Variants in PCDHGA6 observed in about 807,000 individuals in gnomAD.
The protein encoded by PCDHGA6 is protocadherin gamma-A6.
PCDHGA6 carries 41 observed loss-of-function variants against 60.6 expected under a neutral mutation model. The observed-to-expected ratio is 0.68, with a 90% CI of 0.53 to 0.88. The LOEUF (loss-of-function observed/expected upper bound fraction) is 0.88. Ranked by LOEUF, PCDHGA6 falls within the 40% of genes least tolerant of loss-of-function variation. PCDHGA6 has a pLI of 0.00. For synonymous variants in PCDHGA6, 594 were observed against 524.4 expected, an observed-to-expected ratio of 1.13 and a Z score of -1.81; for missense variants, 1,312 against 1,203.0, an observed-to-expected ratio of 1.09 and a Z score of -1.34.
chr5:141,399,054 G>T (rs76381401), intron 1 of PCDHGA6: 1 of 1,613,694 alleles, frequency 6.2e-7, no homozygotes, highest in South Asian at 1.1e-5. Context: ...AAGAGACCAA[G>T]GAATATTCAA....
At chr5:141,409,389 C>T (rs1445649056) in intron 1 of PCDHGA6, 2 of 1,613,888 alleles carry the variant, frequency 1.2e-6, no homozygotes, top group Non-Finnish European at 1.7e-6. Flanking sequence ...AAGATTTATT[C>T]TTCTTCCAAT....
rs750214310 is a variant in PCDHGA6 at position 141,432,447 on chromosome 5, T to C, written c.2424+55940T>C. 1 of 1,614,202 alleles carries C rather than the reference T, an allele frequency of 6.2e-7. No homozygotes were observed. Among genetic ancestry groups the C allele is most frequent in the South Asian group, 1.1e-5 (1 of 91,072 alleles). ...CAGAACGACAATGCGCCCGAGATCCTGTACCCCGCCCTCCCCACGGACGGT... is the reference window on the plus strand; with the variant it reads ...CAGAACGACAATGCGCCCGAGATCCCGTACCCCGCCCTCCCCACGGACGGT... On this transcript the variant is annotated intron_variant, in intron 1 of 3. Coordinates refer to ENST00000517434, the MANE Select transcript of PCDHGA6 (RefSeq NM_018919.3). This position sits in a 1 kb window ranked among gnomAD's most constrained non-coding sequence, Gnocchi z 6.0.
chr5:141,389,429 G>A (rs201662463), intron 1 of PCDHGA6: 149 of 1,610,654 alleles, frequency 9.3e-5, no homozygotes, highest in Non-Finnish European at 8.6e-5. Context: ...TGTTCGCGCA[G>A]CGCGCCTTCG....
intron 1 of PCDHGA6, chr5:141,479,660 A>G (rs1206947602): frequency 6.6e-6 from 1 of 152,266 alleles, no homozygotes; most frequent in African/African-American, 2.4e-5. Flanking sequence ...ACAATCCCAG[A>G]AACTACAAAA....
chr5:141,503,598 CAAAA>C (rs765754054), intron 2 of PCDHGA6, among the ~76,000 whole-genome samples: 2 of 65,756 alleles, frequency 3.0e-5, no homozygotes. Flanking sequence ...GACTCCAGCT[CAAAA>C]AAAAAAAAAA....
chr5:141,505,345 G>A (rs776607130), intron 2 of PCDHGA6, 48 bp from the exon 3 acceptor site: 13 of 1,613,086 alleles, frequency 8.1e-6, no homozygotes, highest in Non-Finnish European at 1.1e-5. Flanking sequence ...AGGGGCATGA[G>A]CTGTGCCGGC....
Position 141,394,683 on chromosome 5 carries a change from G to A in PCDHGA6, c.2424+18176G>A, listed in dbSNP as rs1008097766. ...ACTCTTCTCGGTGGGTCTGCACACG[G>A]GCGAGGTGCGCACGGCGCGAGCCCT... On this transcript the variant is annotated intron_variant, in intron 1 of 3. Coordinates refer to ENST00000517434, the MANE Select transcript of PCDHGA6 (RefSeq NM_018919.3). 5 of 1,611,630 alleles carry A rather than the reference G, an allele frequency of 3.1e-6. No homozygotes were observed. In the African/African-American group the frequency reaches 5.4e-5, roughly 17 times the overall value.
chr5:141,394,837 T>G lies in PCDHGA6; in HGVS notation c.2424+18330T>G, dbSNP rs993988817. 198 of 1,613,706 alleles carry G rather than the reference T, an allele frequency of 1.2e-4. No homozygotes were observed. The highest frequency in any genetic ancestry group is 1.6e-4 in the Non-Finnish European group (187 of 1,179,960). ...AGCATCCCCGAAGTCCTGACCGAGT[T>G]GGGCAGTCTGAAGCCTTCGGTCGAC... is the stretch of plus-strand genomic sequence containing the variant. On this transcript the variant is annotated intron_variant, in intron 1 of 3. Coordinates refer to ENST00000517434, the MANE Select transcript of PCDHGA6 (RefSeq NM_018919.3).
intron 1 of PCDHGA6, among the ~76,000 whole-genome samples, chr5:141,451,875 T>C (rs747595781): frequency 5.9e-5 from 9 of 151,594 alleles, no homozygotes; most frequent in Non-Finnish European, 1.3e-4. Context: ...AATGAAACCC[T>C]GTCAAGAAAG....
intron 1 of PCDHGA6, among the ~76,000 whole-genome samples, chr5:141,438,771 C>T (rs1056879944): frequency 1.3e-5 from 2 of 149,126 alleles, no homozygotes; most frequent in Non-Finnish European, 3.0e-5. Flanking sequence ...AAGCGATTCT[C>T]CTGCCTCAGC....
At chr5:141,500,094 A>C (rs2099796337) in intron 2 of PCDHGA6, among the ~76,000 whole-genome samples, 1 of 151,860 alleles carries the variant, frequency 6.6e-6, no homozygotes, top group South Asian at 2.1e-4. Context: ...CCATTTTTGC[A>C]ATTTATTTGT....
intron 1 of PCDHGA6, among the ~76,000 whole-genome samples, chr5:141,435,715 A>G (rs528951395): frequency 6.6e-6 from 1 of 152,328 alleles, no homozygotes; most frequent in African/African-American, 2.4e-5. Context: ...ACAGACACTG[A>G]ATGCTAAAGT....
intron 1 of PCDHGA6, chr5:141,395,091 A>ACCG (rs771313907): frequency 6.2e-7 from 1 of 1,614,118 alleles, no homozygotes; most frequent in South Asian, 1.1e-5. Context: ...AGTCTCCCTC[A>ACCG]CCGCCGACTC....
chr5:141,394,760 T>C (rs374519404), intron 1 of PCDHGA6: 68 of 1,613,366 alleles, frequency 4.2e-5, no homozygotes, highest in Middle Eastern at 3.3e-4. Flanking sequence ...TCCAGGACCA[T>C]GGCCAGCCCC....
chr5:141,464,343 A>C (rs944042669), intron 1 of PCDHGA6, among the ~76,000 whole-genome samples: 7 of 151,212 alleles, frequency 4.6e-5, no homozygotes, highest in African/African-American at 1.5e-4. Context: ...ATGACTTGTC[A>C]TTTAGGTAGT....
At chr5:141,478,526 G>A (rs1402123535) in intron 1 of PCDHGA6, 1 of 1,609,906 alleles carries the variant, frequency 6.2e-7, no homozygotes, top group Admixed American at 1.7e-5. Context: ...GTTGGGTGCA[G>A]AGAGCGCCCC....
chr5:141,391,523 A>T (rs2092383458), intron 1 of PCDHGA6: 1 of 152,140 alleles, frequency 6.6e-6, no homozygotes, highest in Non-Finnish European at 1.5e-5. Context: ...CACTAATTTA[A>T]CTGGTATGGT....
Position 141,431,168 on chromosome 5 carries a change from G to A in PCDHGA6, c.2424+54661G>A, listed in dbSNP as rs779778442. On this transcript the variant is annotated intron_variant, in intron 1 of 3. Coordinates refer to ENST00000517434, the MANE Select transcript of PCDHGA6 (RefSeq NM_018919.3). This position sits in a 1 kb window ranked among gnomAD's most constrained non-coding sequence, Gnocchi z 4.8. Reference sequence around the variant, plus strand: ...CAATGCGCCTTACTTTCGTGAAAGTGAATTAGAAATAAAAATTAGTGAAAA... The same window carrying A: ...CAATGCGCCTTACTTTCGTGAAAGTAAATTAGAAATAAAAATTAGTGAAAA... The A allele has an allele frequency of 9.9e-6, 16 of 1,614,206 alleles. No individual in the cohort carries two copies. The Admixed American group carries it at 1.2e-4, about 12-fold the overall frequency.
At chr5:141,478,570 G>T (rs1255499966) in intron 1 of PCDHGA6, 1 of 1,590,156 alleles carries the variant, frequency 6.3e-7, no homozygotes, top group Admixed American at 1.8e-5. Context: ...AGTCATGCTT[G>T]ACCCTGTTAG....
Sources: gnomAD v4.1 joint callset for allele counts (sites outside exome capture counted in the v4.1 genomes callset) on GRCh38, gnomAD v4.1.1 for gene constraint, Gnocchi (gnomAD v3.1) non-coding constraint, MANE v1.5 for transcripts, NCBI Gene and HGNC (gene_info 2026-07-23, HGNC 2026-07-21) for gene names.